The following RPS6KA2 variants were observed in gnomAD, a reference collection of about 807,000 sequenced individuals.
RPS6KA2 encodes the protein ribosomal protein S6 kinase alpha-2.
In RPS6KA2, 42 loss-of-function variants were observed where a neutral mutation model predicts 91.8. That is an observed-to-expected ratio of 0.46 (90% confidence interval 0.36 to 0.59). The LOEUF is 0.59. Ranked by LOEUF, RPS6KA2 falls within the 20% of genes least tolerant of loss-of-function variation. The pLI is 0.00. For missense variants in RPS6KA2, 798 were observed against 978.5 expected (o/e 0.82, Z 2.46); for synonymous variants, 414 against 393.6 (o/e 1.05, Z -0.61).
intron 2 of RPS6KA2, among the ~76,000 whole-genome samples, chr6:166,761,369 A>C (rs1257978764): frequency 6.6e-6 from 1 of 152,242 alleles, no homozygotes; most frequent in African/African-American, 2.4e-5. Context: ...GCCATGGGGA[A>C]ATCATCATAA....
At chr6:166,524,573 C>T (rs1209840150) in intron 3 of RPS6KA2, among the ~76,000 whole-genome samples, 3 of 152,200 alleles carry the variant, frequency 2.0e-5, no homozygotes, top group Non-Finnish European at 2.9e-5. Flanking sequence ...CCCCACATCC[C>T]TATTCAGCAG....
At chr6:166,606,652 T>G (rs375362749) in intron 1 of RPS6KA2, among the ~76,000 whole-genome samples, 1 of 152,150 alleles carries the variant, frequency 6.6e-6, no homozygotes, top group East Asian at 1.9e-4. Flanking sequence ...AATAAAAAGA[T>G]AAATCACCCA....
rs539282003 is a variant in RPS6KA2, at chr6:166,855,435, AGAG to A, written c.123+2762_123+2764del. 1.0e-3 allele frequency among the ~76,000 whole-genome samples: 69 copies of A among 67,496 alleles called. 1 individual carries two copies. The East Asian group carries it at 0.03, about 29-fold the overall frequency. The allele number at this position is 67,496 out of a possible 152,430, so 44.3% of individuals were successfully genotyped here. On this transcript the variant is annotated intron_variant, in intron 2 of 21. Transcript: ENST00000503859. ...AGGAGGAGGAAGAAGAAGAGGAAGA[AGAG>A]GAAGAAGAAGAGGAAGAAGAAGAGG...
chr6:166,593,265 T>C (rs574189488), intron 1 of RPS6KA2, among the ~76,000 whole-genome samples: 1 of 151,396 alleles, frequency 6.6e-6, no homozygotes, highest in Non-Finnish European at 1.5e-5. Context: ...CAGAACAGAA[T>C]ACAACAGAAC....
chr6:166,641,719 CAAAAAAAAAAAAAAAAAAAAAAAA>C (rs71032871), intron 2 of RPS6KA2, among the ~76,000 whole-genome samples: 46 of 28,546 alleles, frequency 1.6e-3, no homozygotes, highest in Middle Eastern at 0.028. Context: ...GACTCTGTCA[CAAAAAAAAAAAAAAAAAAAAAAAA>C]AAAAAAAAAA....
At chr6:166,492,710 T>TC (rs1307873601) in intron 8 of RPS6KA2, among the ~76,000 whole-genome samples, 2 of 139,048 alleles carry the variant, frequency 1.4e-5, no homozygotes, top group African/African-American at 5.3e-5. Flanking sequence ...TGGTGATTTC[T>TC]TTTTCTTTTC....
chr6:166,862,013 G>T, intron 1 of RPS6KA2: 1 of 1,504,660 alleles, frequency 6.6e-7, no homozygotes, highest in Non-Finnish European at 9.2e-7. Context: ...GTCACCTAAT[G>T]GACATGAACT....
intron 2 of RPS6KA2, among the ~76,000 whole-genome samples, chr6:166,723,686 CT>C (rs112422983): frequency 6.7e-6 from 1 of 149,540 alleles, no homozygotes; most frequent in Non-Finnish European, 1.5e-5. Flanking sequence ...TTTCCTTTTT[CT>C]TTTTTTCTTT....
chr6:166,486,168 T>G (rs2128472030), intron 10 of RPS6KA2, among the ~76,000 whole-genome samples: 2 of 152,324 alleles, frequency 1.3e-5, no homozygotes, highest in South Asian at 4.1e-4. Context: ...TCTGGGACTT[T>G]GCTGAGGGGG....
intron 2 of RPS6KA2, among the ~76,000 whole-genome samples, chr6:166,768,576 G>C (rs960589175): frequency 3.9e-5 from 6 of 152,098 alleles, no homozygotes; most frequent in African/African-American, 1.4e-4. Context: ...ATCAACTTTT[G>C]TAGAGTCTTT....
chr6:166,704,127 T>G (rs760837), intron 2 of RPS6KA2, among the ~76,000 whole-genome samples: 1 of 152,290 alleles, frequency 6.6e-6, no homozygotes, highest in Non-Finnish European at 1.5e-5. Context: ...AATTCTCCCC[T>G]CCAAATTAGG....
At chr6:166,860,092 C>T (rs1216335760) in intron 1 of RPS6KA2, among the ~76,000 whole-genome samples, 1 of 151,552 alleles carries the variant, frequency 6.6e-6, no homozygotes, top group Admixed American at 6.6e-5. Context: ...AGAGGAAATT[C>T]AGACTGTGAA....
At chr6:166,692,881 G>A (rs913190503) in intron 2 of RPS6KA2, among the ~76,000 whole-genome samples, 2 of 152,176 alleles carry the variant, frequency 1.3e-5, no homozygotes, top group Non-Finnish European at 2.9e-5. Context: ...TTTGGCCAGG[G>A]AGCCACACTG....
rs773263022 is a variant in RPS6KA2 at position 166,618,047 on chromosome 6, G to A, written c.99+8874C>T. Reference sequence around the variant, plus strand: ...AGAGAACGTGAAGCTCTGCAGACTCGGAGCCTGGCCATGCAAGGGGACCTG... The same window carrying A: ...AGAGAACGTGAAGCTCTGCAGACTCAGAGCCTGGCCATGCAAGGGGACCTG... On this transcript the variant is annotated intron_variant, in intron 1 of 20. Coordinates refer to ENST00000265678, the MANE Select transcript of RPS6KA2 (RefSeq NM_021135.6). Among the ~76,000 whole-genome samples the A allele has an allele frequency of 3.9e-5, 6 of 152,210 alleles. No homozygotes were observed. The East Asian group carries it at 9.6e-4, about 24-fold the overall frequency.
rs60875272 is a variant in RPS6KA2, at chr6:166,799,592, GTTT to G, written c.123+58605_123+58607del. On this transcript the variant is annotated intron_variant, in intron 2 of 21. Transcript: ENST00000503859. ...ATGCTCAGAAGGAAAGCATTTTCATGTTTTTTTTTTTTTTAAAAGGATGAGAGT... is the reference window on the plus strand; with the variant it reads ...ATGCTCAGAAGGAAAGCATTTTCATGTTTTTTTTTTTAAAAGGATGAGAGT... 2.5e-3 allele frequency among the ~76,000 whole-genome samples: 354 copies of G among 144,004 alleles called. 1 individual carries two copies. The highest frequency in any genetic ancestry group is 7.3e-3 in the African/African-American group (281 of 38,608). The allele number at this position is 144,004 out of a possible 152,430, so 94.5% of individuals were successfully genotyped here.
At chr6:166,796,309 G>A (rs1301172306) in intron 2 of RPS6KA2, among the ~76,000 whole-genome samples, 5 of 152,150 alleles carry the variant, frequency 3.3e-5, no homozygotes, top group Non-Finnish European at 7.4e-5. Flanking sequence ...CTGGCTTGTC[G>A]GCTGGGTGCG....
Position 166,448,676 on chromosome 6 carries a change from C to G in RPS6KA2, c.1332+48G>C. ...CTCCCACATACCACACGTGCTCCCA[C>G]GCGCTGCACTCACACAGGGCCCTGC... is the stretch of plus-strand genomic sequence containing the variant. On this transcript the variant is annotated intron_variant, in intron 14 of 20. Transcript: ENST00000265678. The surrounding 1 kb of genome is among the most constrained non-coding windows in gnomAD (Gnocchi z 4.7). The G allele has an allele frequency of 6.4e-7, 1 of 1,563,044 alleles. No homozygotes were observed.
intron 3 of RPS6KA2, among the ~76,000 whole-genome samples, chr6:166,511,242 C>G (rs528191179): frequency 6.6e-6 from 1 of 152,110 alleles, no homozygotes; most frequent in Non-Finnish European, 1.5e-5. Flanking sequence ...GAGTGACCTG[C>G]GGGTTCCCTA....
intron 7 of RPS6KA2, among the ~76,000 whole-genome samples, chr6:166,499,114 C>T (rs367928955): frequency 1.5e-4 from 23 of 152,164 alleles, no homozygotes; most frequent in African/African-American, 2.2e-4. Flanking sequence ...CCCGACAACA[C>T]GAGGGTGTGG....
Sources: allele counts gnomAD v4.1 joint callset (sites outside exome capture counted in the v4.1 genomes callset), GRCh38; gene constraint gnomAD v4.1.1; non-coding constraint Gnocchi (gnomAD v3.1); transcripts MANE v1.5; gene names NCBI Gene and HGNC (gene_info 2026-07-23, HGNC 2026-07-21).